Variants in DNAH5 observed in about 807,000 individuals in gnomAD.
DNAH5 encodes dynein axonemal heavy chain 5.
Under a neutral mutation model 518.2 loss-of-function variants are expected in DNAH5, and 372 were observed. The observed-to-expected ratio is 0.72, with a 90% CI of 0.66 to 0.78. The LOEUF is 0.78. Ranked by LOEUF, DNAH5 falls within the 30% of genes least tolerant of loss-of-function variation. The pLI is 0.00. For missense variants in DNAH5, 5,523 were observed against 5,687.0 expected (o/e 0.97, Z 0.93); for synonymous variants, 2,039 against 2,025.9 (o/e 1.01, Z -0.17).
intron 65 of DNAH5, among the ~76,000 whole-genome samples, chr5:13,747,362 T>C (rs1289945551): frequency 6.6e-6 from 1 of 152,208 alleles, no homozygotes; most frequent in Non-Finnish European, 1.5e-5. Context: ...TGTGCATGTA[T>C]CTTTATAGCA....
At chr5:14,011,702 C>A (rs918811257) in exon 1 of DNAH5, among the ~76,000 whole-genome samples, 1 of 152,238 alleles carries the variant, frequency 6.6e-6, no homozygotes, top group Admixed American at 6.5e-5. Context: ...TAGCGCTCCC[C>A]CGGTGCAGGG....
In DNAH5 at chr5:13,803,866, TG is replaced by T. The variant is rs377446005; in HGVS notation, c.7887+3724del. ...AAGATGTCACTTGGAAAAGTGGTTC[TG>T]GGTCCAAAAAACACTGTGGAATTTC... On this transcript the variant is annotated intron_variant, in intron 47 of 78. Coordinates refer to ENST00000265104, the MANE Select transcript of DNAH5 (RefSeq NM_001369.3). Among the ~76,000 whole-genome samples, 456 of 152,342 alleles carry T rather than the reference TG, an allele frequency of 3.0e-3. 3 individuals are homozygous for T. The highest frequency in any genetic ancestry group is 0.011 in the African/African-American group (439 of 41,590).
intron 71 of DNAH5, among the ~76,000 whole-genome samples, chr5:13,719,894 C>T (rs1744813491): frequency 6.6e-6 from 1 of 152,070 alleles, no homozygotes; most frequent in African/African-American, 2.4e-5. Flanking sequence ...ATATATTTTG[C>T]CTGAATTATA....
At chr5:13,935,201 C>T (rs1446874898) in intron 1 of DNAH5, among the ~76,000 whole-genome samples, 3 of 152,142 alleles carry the variant, frequency 2.0e-5, no homozygotes, top group Non-Finnish European at 2.9e-5. Context: ...AAAGATTCTT[C>T]CATGGCAAGG....
At chr5:13,741,411 C>T (rs577572587) in intron 65 of DNAH5, among the ~76,000 whole-genome samples, 1 of 152,024 alleles carries the variant, frequency 6.6e-6, no homozygotes. Context: ...GCAACTCAAG[C>T]AAAACTTGCT....
At chr5:13,749,327 A>C (rs1164437085) in intron 65 of DNAH5, among the ~76,000 whole-genome samples, 2 of 152,186 alleles carry the variant, frequency 1.3e-5, no homozygotes, top group Non-Finnish European at 2.9e-5. Flanking sequence ...AGATTCTGAT[A>C]ATGAGATAAT....
intron 78 of DNAH5, among the ~76,000 whole-genome samples, chr5:13,700,197 C>A (rs1407643994): frequency 1.3e-5 from 2 of 152,150 alleles, no homozygotes; most frequent in Non-Finnish European, 2.9e-5. Context: ...GAGCCCTGTG[C>A]AGTCTTATCT....
chr5:13,708,461 A>T, intron 75 of DNAH5, 126 bp from the exon 76 acceptor site: 3 of 835,220 alleles, frequency 3.6e-6, no homozygotes, highest in Non-Finnish European at 5.7e-6. Context: ...CTTCTAATTT[A>T]TTGCATGGCA....
intron 75 of DNAH5, among the ~76,000 whole-genome samples, chr5:13,713,124 T>C (rs190714108): frequency 0.015 from 2,143 of 146,600 alleles, 66 homozygotes; most frequent in African/African-American, 0.05. Context: ...TATATATATA[T>C]ACACACACAC....
intron 78 of DNAH5, among the ~76,000 whole-genome samples, chr5:13,698,871 A>G (rs535764796): frequency 1.2e-3 from 180 of 152,348 alleles, no homozygotes; most frequent in Middle Eastern, 3.4e-3. Flanking sequence ...TTTGTGAATG[A>G]CCATAAAAGT....
intron 1 of DNAH5, among the ~76,000 whole-genome samples, chr5:13,939,920 G>A (rs779211855): frequency 1.3e-5 from 2 of 152,056 alleles, no homozygotes; most frequent in Non-Finnish European, 2.9e-5. Context: ...CAAGAGCCAC[G>A]CTTTCCCTCT....
At chr5:13,952,189 C>T (rs1017708938) in intron 1 of DNAH5, among the ~76,000 whole-genome samples, 1 of 152,036 alleles carries the variant, frequency 6.6e-6, no homozygotes, top group South Asian at 2.1e-4. Context: ...AATAAAAATC[C>T]GTGAAAATAA....
chr5:13,727,390 C>G, intron 70 of DNAH5, 117 bp downstream of exon 70: 4 of 970,258 alleles, frequency 4.1e-6, no homozygotes, highest in Non-Finnish European at 6.1e-6. Context: ...GAAAATCACA[C>G]AGAGGCCTAC....
intron 17 of DNAH5, among the ~76,000 whole-genome samples, chr5:13,887,442 G>A (rs78804151): frequency 6.6e-6 from 1 of 152,080 alleles, no homozygotes; most frequent in African/African-American, 2.4e-5. Context: ...TATCCCCCAG[G>A]ACAAATAAAA....
rs936214274 is a variant in DNAH5 at position 13,700,844 on chromosome 5, C to G, written c.13519G>C (p.Ala4507Pro). Residue 4507 changes from alanine to proline, a missense_variant, in exon 78 of 79, where the codon GCT (alanine) becomes CCT (proline). This residue lies in a region of DNAH5 where 387 missense variants were observed against 430.0 expected (regional missense o/e 0.90). Transcript: ENST00000265104. ...TTGCAAAGCACCATATTGTCCAGAG[C>G]CCAGCCTTTGTTGGCCCGAGTTATT... ...QEITRANKGW[A>P]LDNMVLCNEV... is the part of the protein sequence containing the mutation. 2 of 1,614,002 alleles carry G rather than the reference C, an allele frequency of 1.2e-6. No individual in the cohort carries two copies. Among genetic ancestry groups the G allele is most frequent in the African/African-American group, 2.7e-5 (2 of 74,902 alleles).
intron 66 of DNAH5, 92 bp from the exon 67 acceptor site, chr5:13,736,024 A>G: frequency 9.5e-7 from 1 of 1,048,946 alleles, no homozygotes; most frequent in Non-Finnish European, 1.5e-6. Flanking sequence ...AATGAAAACA[A>G]CAACTTTTAT....
Position 13,714,537 on chromosome 5 carries a change from G to A in DNAH5, c.12993C>T (p.Asp4331=), listed in dbSNP as rs750130912. The part of the protein sequence containing the change: ...DITYQSKLAK[D]VLDTILGIQP... ...GGATGCCTAGGATGGTGTCCAGCAC[G>A]TCCTTGGCCAGCTTGCTCTGGTAGG... The change falls in exon 75 of 79, where the codon GAC becomes GAT. Residue 4331 remains aspartate, a synonymous_variant. Transcript: ENST00000265104. 21 of 1,614,170 alleles carry A rather than the reference G, an allele frequency of 1.3e-5. No individual in the cohort carries two copies. Among genetic ancestry groups the A allele is most frequent in the Non-Finnish European group, 1.8e-5 (21 of 1,180,020 alleles).
intron 65 of DNAH5, among the ~76,000 whole-genome samples, chr5:13,746,548 T>A (rs751302019): frequency 4.6e-5 from 7 of 152,178 alleles, no homozygotes; most frequent in Non-Finnish European, 5.9e-5. Context: ...TGAAGCATCA[T>A]ATCTTGGGTG....
intron 1 of DNAH5, among the ~76,000 whole-genome samples, chr5:13,953,677 T>C (rs1475748771): frequency 6.6e-6 from 1 of 152,198 alleles, no homozygotes; most frequent in East Asian, 1.9e-4. Context: ...TATTATATCA[T>C]TCAAAATGTG....
Sources: allele counts gnomAD v4.1 joint callset (sites outside exome capture counted in the v4.1 genomes callset), GRCh38; gene constraint gnomAD v4.1.1; regional missense constraint gnomAD v4.1.1; transcripts MANE v1.5; gene names NCBI Gene and HGNC (gene_info 2026-07-23, HGNC 2026-07-21).